SKAP1: variants seen among roughly 807,000 people sequenced by gnomAD.
SKAP1 encodes src kinase associated phosphoprotein 1.
In SKAP1, 44 loss-of-function variants were observed where a neutral mutation model predicts 58.5. The observed-to-expected ratio is 0.75, with a 90% CI of 0.59 to 0.97. The LOEUF (loss-of-function observed/expected upper bound fraction) is 0.97, where lower values mean the gene tolerates loss of function less well. SKAP1 is among the 50% of genes least tolerant of loss of function. SKAP1 has a pLI of 0.00. For missense variants in SKAP1, 390 were observed against 435.2 expected (o/e 0.90, Z 0.92); for synonymous variants, 127 against 149.7 (o/e 0.85, Z 1.11).
chr17:48,255,635 C>T (rs2065414767), intron 4 of SKAP1, among the ~76,000 whole-genome samples: 1 of 152,010 alleles, frequency 6.6e-6, no homozygotes, highest in South Asian at 2.1e-4. Context: ...TTTTCCCTAA[C>T]TTAAACAAAA....
intron 1 of SKAP1, among the ~76,000 whole-genome samples, chr17:48,397,744 G>A (rs2067439704): frequency 6.6e-6 from 1 of 152,148 alleles, no homozygotes; most frequent in Admixed American, 6.5e-5. Context: ...GAACCCACAT[G>A]AGAAAGACAA....
intron 4 of SKAP1, among the ~76,000 whole-genome samples, chr17:48,251,440 T>G (rs1329924462): frequency 6.6e-6 from 1 of 152,228 alleles, no homozygotes; most frequent in Non-Finnish European, 1.5e-5. Flanking sequence ...GTCAGCATTT[T>G]TATGCAAAGC....
In SKAP1 at chr17:48,318,666, G is replaced by C. The variant is rs1490965259; in HGVS notation, c.280+27239C>G. Reference sequence around the variant, plus strand: ...AGACTGCTTGAGGCCAGGAGTTCAAGACCAGCCTGGGCAACATAGTGAGAC... The same window carrying C: ...AGACTGCTTGAGGCCAGGAGTTCAACACCAGCCTGGGCAACATAGTGAGAC... On this transcript the variant is annotated intron_variant, in intron 4 of 12. Coordinates refer to ENST00000336915, the MANE Select transcript of SKAP1 (RefSeq NM_003726.4). Among the ~76,000 whole-genome samples the C allele has an allele frequency of 4.6e-5, 7 of 152,318 alleles. No individual in the cohort carries two copies. In the East Asian group the frequency reaches 1.3e-3, roughly 29 times the overall value.
chr17:48,413,523 A>AAAAAAAAAAAAAAAT, intron 1 of SKAP1, among the ~76,000 whole-genome samples: 14 of 105,502 alleles, frequency 1.3e-4, no homozygotes, highest in African/African-American at 5.1e-4. Flanking sequence ...TCAAAAAAAA[A>AAAAAAAAAAAAAAAT]ATATATATAT....
intron 4 of SKAP1, among the ~76,000 whole-genome samples, chr17:48,213,051 T>C (rs2064893201): frequency 6.6e-6 from 1 of 152,100 alleles, no homozygotes; most frequent in South Asian, 2.1e-4. Flanking sequence ...AGAATTAAGC[T>C]GTACTGTTGG....
chr17:48,149,343 G>T (rs1232423611), intron 11 of SKAP1, among the ~76,000 whole-genome samples: 1 of 152,148 alleles, frequency 6.6e-6, no homozygotes, highest in African/African-American at 2.4e-5. Flanking sequence ...GGTGGGTTTT[G>T]GAGAAAGAGG....
At chr17:48,180,559 G>T (rs2064354676) in intron 8 of SKAP1, among the ~76,000 whole-genome samples, 1 of 152,100 alleles carries the variant, frequency 6.6e-6, no homozygotes, top group South Asian at 2.1e-4. Context: ...AAGAAAATAG[G>T]CCAGAAGAGG....
At chr17:48,245,506 C>G (rs1598464838) in intron 4 of SKAP1, among the ~76,000 whole-genome samples, 1 of 152,130 alleles carries the variant, frequency 6.6e-6, no homozygotes, top group Non-Finnish European at 1.5e-5. Flanking sequence ...TTTACATGTG[C>G]TTCTAGATAA....
chr17:48,153,527 TTCG>T (rs2143175491), intron 11 of SKAP1, among the ~76,000 whole-genome samples: 1 of 152,320 alleles, frequency 6.6e-6, no homozygotes, highest in African/African-American at 2.4e-5. Flanking sequence ...CATCATCATC[TTCG>T]TCATCACAGC....
chr17:48,412,537 C>T (rs918357783), intron 1 of SKAP1, among the ~76,000 whole-genome samples: 7 of 152,050 alleles, frequency 4.6e-5, no homozygotes, highest in African/African-American at 1.4e-4. Flanking sequence ...AAGGAAGCCC[C>T]CTGGTCAGAG....
chr17:48,205,494 G>A (rs1044965121), intron 4 of SKAP1, among the ~76,000 whole-genome samples: 1 of 151,952 alleles, frequency 6.6e-6, no homozygotes, highest in Admixed American at 6.6e-5. Context: ...ACAGAGGGAA[G>A]GACATTATCA....
At chr17:48,205,362 C>T (rs542526096) in intron 4 of SKAP1, among the ~76,000 whole-genome samples, 7 of 152,126 alleles carry the variant, frequency 4.6e-5, no homozygotes, top group African/African-American at 1.2e-4. Context: ...TCACGTGCCT[C>T]GGCCTCCCAA....
At chr17:48,400,105 T>C (rs1414392674) in intron 1 of SKAP1, among the ~76,000 whole-genome samples, 2 of 150,370 alleles carry the variant, frequency 1.3e-5, no homozygotes, top group Non-Finnish European at 3.0e-5. Context: ...TCTTTTCTTT[T>C]TTTTTTTTTT....
Position 48,184,711 on chromosome 17 carries a change from G to T in SKAP1, c.567+12C>A. ...CACCAAGAAGGATCACCATCTCCTTGATGCGTCCTACCTCATAGCTGCGCC... is the reference window on the plus strand; with the variant it reads ...CACCAAGAAGGATCACCATCTCCTTTATGCGTCCTACCTCATAGCTGCGCC... On this transcript the variant is annotated intron_variant, in intron 7 of 12. Transcript: ENST00000336915. 6.2e-7 allele frequency: 1 copy of T among 1,613,966 alleles called. No homozygotes were observed. Among genetic ancestry groups the T allele is most frequent in the South Asian group, 1.1e-5 (1 of 91,070 alleles).
intron 11 of SKAP1, among the ~76,000 whole-genome samples, chr17:48,155,170 C>G (rs1248444688): frequency 6.6e-6 from 1 of 151,706 alleles, no homozygotes; most frequent in African/African-American, 2.4e-5. Context: ...CTCTGTCATC[C>G]AGACTGGAGT....
chr17:48,262,413 G>C (rs1398131491), intron 4 of SKAP1, among the ~76,000 whole-genome samples: 1 of 152,082 alleles, frequency 6.6e-6, no homozygotes, highest in African/African-American at 2.4e-5. Flanking sequence ...TGGTTTTTTG[G>C]GGGGGAAGTT....
chr17:48,148,200 T>C (rs954615726), intron 11 of SKAP1, among the ~76,000 whole-genome samples: 10 of 152,022 alleles, frequency 6.6e-5, no homozygotes, highest in Admixed American at 5.2e-4. Context: ...GTGGGTGAAA[T>C]GTGTGCAAAA....
chr17:48,261,868 A>G (rs2065489632), intron 4 of SKAP1, among the ~76,000 whole-genome samples: 1 of 84,224 alleles, frequency 1.2e-5, no homozygotes, highest in South Asian at 5.0e-4. Flanking sequence ...AAGTTCTGTA[A>G]AAGCTCCCCT....
intron 6 of SKAP1, among the ~76,000 whole-genome samples, chr17:48,186,174 G>A (rs2064448421): frequency 6.6e-6 from 1 of 152,212 alleles, no homozygotes; most frequent in Non-Finnish European, 1.5e-5. Flanking sequence ...AAGAACAACT[G>A]GCTGGATTGA....
Sources: gnomAD v4.1 joint callset for allele counts (sites outside exome capture counted in the v4.1 genomes callset) on GRCh38, gnomAD v4.1.1 for gene constraint, MANE v1.5 for transcripts, NCBI Gene and HGNC (gene_info 2026-07-23, HGNC 2026-07-21) for gene names.